Variants in GALNT18 observed in about 807,000 individuals in gnomAD.
GALNT18 encodes the protein GalNAc-transferase 18.
In GALNT18, 44 loss-of-function variants were observed where a neutral mutation model predicts 69.5. The observed-to-expected ratio is 0.63, with a 90% CI of 0.50 to 0.81. GALNT18 has a LOEUF of 0.81. Among genes scored for constraint, GALNT18 ranks in the 40% least tolerant of loss-of-function variants. The probability of loss-of-function intolerance (pLI) is 0.00; values close to 1 mark genes in which losing one functional copy is unlikely to be tolerated. For synonymous variants in GALNT18, 364 were observed against 318.2 expected, an observed-to-expected ratio of 1.14 and a Z score of -1.53; for missense variants, 715 against 810.0, an observed-to-expected ratio of 0.88 and a Z score of 1.42.
At chr11:11,280,689 A>G (rs1190412366) in intron 10 of GALNT18, among the ~76,000 whole-genome samples, 1 of 152,096 alleles carries the variant, frequency 6.6e-6, no homozygotes. Flanking sequence ...GCTCTGGCTA[A>G]TTTCTGCCCC....
At position 11,592,955 on chromosome 11, in the gene GALNT18, T is replaced by G. The variant is rs918915212; in HGVS notation, c.235+28404A>C. On this transcript the variant is annotated intron_variant, in intron 1 of 10. Transcript: ENST00000227756. The surrounding 1 kb of genome is among the most constrained non-coding windows in gnomAD (Gnocchi z 5.9). ...TTTGTTTTTTGTTTTTGTCTCTGTC[T>G]CCCAGGCTGGAGTGCAGTGGCGCAA... 4.0e-5 allele frequency among the ~76,000 whole-genome samples: 6 copies of G among 151,656 alleles called. No individual in the cohort carries two copies. Among genetic ancestry groups the G allele is most frequent in the East Asian group, 1.9e-4 (1 of 5,178 alleles).
At chr11:11,392,865 C>T (rs1273866139) in intron 3 of GALNT18, among the ~76,000 whole-genome samples, 2 of 152,158 alleles carry the variant, frequency 1.3e-5, no homozygotes, top group African/African-American at 2.4e-5. Context: ...CTCAGCAATG[C>T]TAAGATTTTT....
chr11:11,335,176 T>C (rs1850089733), intron 7 of GALNT18, among the ~76,000 whole-genome samples: 1 of 152,206 alleles, frequency 6.6e-6, no homozygotes, highest in Non-Finnish European at 1.5e-5. Flanking sequence ...TTTCTGCACT[T>C]AGGAACAGGG....
chr11:11,290,708 G>GC (rs761111668), intron 10 of GALNT18, among the ~76,000 whole-genome samples: 15 of 152,066 alleles, frequency 9.9e-5, no homozygotes, highest in Non-Finnish European at 1.8e-4. Context: ...CACCAGCCCT[G>GC]CCCACCCCTA....
At chr11:11,365,738 GT>G (rs1850752119) in intron 6 of GALNT18, among the ~76,000 whole-genome samples, 1 of 152,094 alleles carries the variant, frequency 6.6e-6, no homozygotes, top group African/African-American at 2.4e-5. Context: ...TCAATAGAGA[GT>G]TTTTTCAAGT....
At chr11:11,292,592 G>C (rs2133004198) in intron 10 of GALNT18, among the ~76,000 whole-genome samples, 1 of 152,286 alleles carries the variant, frequency 6.6e-6, no homozygotes, top group South Asian at 2.1e-4. Context: ...ACATCTGGGA[G>C]ACTGGGGGCT....
intron 9 of GALNT18, among the ~76,000 whole-genome samples, chr11:11,317,669 C>T (rs1383113425): frequency 2.0e-5 from 3 of 152,144 alleles, no homozygotes; most frequent in Non-Finnish European, 4.4e-5. Flanking sequence ...TGAATATTTT[C>T]TCCCATTCCG....
rs79753373 is a variant in GALNT18, at chr11:11,616,843, C to T, written c.235+4516G>A. Among the ~76,000 whole-genome samples, 1,070 of 152,264 alleles carry T rather than the reference C, an allele frequency of 7.0e-3. 12 individuals carry two copies. Among genetic ancestry groups the T allele is most frequent in the African/African-American group, 0.025 (1,021 of 41,540 alleles). On this transcript the variant is annotated intron_variant, in intron 1 of 10. Transcript: ENST00000227756. This position sits in a 1 kb window ranked among gnomAD's most constrained non-coding sequence, Gnocchi z 4.4. ...TATTATATAAACCAATGAAATATGACGGCTAAAAAGATGAGTGTTGTTTCT... is the reference window on the plus strand; with the variant it reads ...TATTATATAAACCAATGAAATATGATGGCTAAAAAGATGAGTGTTGTTTCT...
Position 11,606,968 on chromosome 11 carries a change from A to C in GALNT18, c.235+14391T>G, listed in dbSNP as rs1859772515. Among the ~76,000 whole-genome samples, 1 of 152,200 alleles carries C rather than the reference A, an allele frequency of 6.6e-6. No individual in the cohort carries two copies. The highest frequency in any genetic ancestry group is 2.1e-4 in the South Asian group (1 of 4,826). On this transcript the variant is annotated intron_variant, in intron 1 of 10. Coordinates refer to ENST00000227756, the MANE Select transcript of GALNT18 (RefSeq NM_198516.3). This position sits in a 1 kb window ranked among gnomAD's most constrained non-coding sequence, Gnocchi z 5.4. ...CTGATTTTAACTAGAGAGCCTTCAG[A>C]CAAGAGCCTTCACCAGTGGGATATG...
intron 9 of GALNT18, among the ~76,000 whole-genome samples, chr11:11,317,444 GATGGT>G (rs1471824416): frequency 1.3e-5 from 2 of 152,212 alleles, no homozygotes; most frequent in African/African-American, 2.4e-5. Context: ...ACTGGTGTGA[GATGGT>G]ATCTCATGGT....
At position 11,599,532 on chromosome 11, in the gene GALNT18, C is replaced by T. The variant is rs1478922454; in HGVS notation, c.235+21827G>A. On this transcript the variant is annotated intron_variant, in intron 1 of 10. Coordinates refer to ENST00000227756, the MANE Select transcript of GALNT18 (RefSeq NM_198516.3). ...TCCTGTAGACAGTGTGTAGTTGCAT[C>T]TTGTGTTTTCATCCAATCTGACAAT... 2.6e-5 allele frequency among the ~76,000 whole-genome samples: 4 copies of T among 151,966 alleles called. No homozygotes were observed. In the East Asian group the frequency reaches 7.7e-4, roughly 29 times the overall value.
At position 11,584,975 on chromosome 11, in the gene GALNT18, C is replaced by T. The variant is rs999379668; in HGVS notation, c.235+36384G>A. Among the ~76,000 whole-genome samples, 10 of 152,258 alleles carry T rather than the reference C, an allele frequency of 6.6e-5. No individual in the cohort carries two copies. Among genetic ancestry groups the T allele is most frequent in the East Asian group, 1.9e-4 (1 of 5,176 alleles). On this transcript the variant is annotated intron_variant, in intron 1 of 10. Coordinates refer to ENST00000227756, the MANE Select transcript of GALNT18 (RefSeq NM_198516.3). This position sits in a 1 kb window ranked among gnomAD's most constrained non-coding sequence, Gnocchi z 4.1. ...CTTGCCTCCACCACTATGAGCTTGA[C>T]GGCTTCCCAACACCTAAAGACTTCT...
intron 6 of GALNT18, among the ~76,000 whole-genome samples, chr11:11,355,461 C>T (rs1850510814): frequency 6.6e-6 from 1 of 152,166 alleles, no homozygotes; most frequent in African/African-American, 2.4e-5. Flanking sequence ...TTCTGGTTTG[C>T]TGGGGACTAT....
chr11:11,526,046 A>C (rs1857516830), intron 1 of GALNT18, among the ~76,000 whole-genome samples: 1 of 152,186 alleles, frequency 6.6e-6, no homozygotes, highest in South Asian at 2.1e-4. Context: ...AGGTATGAGA[A>C]AGGCTCCAGA....
rs1213108193 is a variant in GALNT18, at chr11:11,463,281, G to A, written c.236-14345C>T. On this transcript the variant is annotated intron_variant, in intron 1 of 10. Transcript: ENST00000227756. The surrounding 1 kb of genome is among the most constrained non-coding windows in gnomAD (Gnocchi z 4.2). ...GCAGCAGCCTACAAAAGCTCATCCT[G>A]AAAACAGATTCTTCTAGTCCCAAGT... is the stretch of plus-strand genomic sequence containing the variant. Among the ~76,000 whole-genome samples the A allele has an allele frequency of 6.6e-6, 1 of 152,038 alleles. No individual in the cohort carries two copies. Among genetic ancestry groups the A allele is most frequent in the African/African-American group, 2.4e-5 (1 of 41,376 alleles).
At chr11:11,466,254 C>T (rs767973533) in intron 1 of GALNT18, among the ~76,000 whole-genome samples, 3 of 152,172 alleles carry the variant, frequency 2.0e-5, no homozygotes, top group Non-Finnish European at 4.4e-5. Context: ...TGTAGATCAA[C>T]GGACTGCAAC....
At position 11,538,280 on chromosome 11, in the gene GALNT18, C is replaced by T. The variant is rs1009938593; in HGVS notation, c.235+83079G>A. Among the ~76,000 whole-genome samples, 3 of 152,202 alleles carry T rather than the reference C, an allele frequency of 2.0e-5. No individual in the cohort carries two copies. The highest frequency in any genetic ancestry group is 7.2e-5 in the African/African-American group (3 of 41,452). On this transcript the variant is annotated intron_variant, in intron 1 of 10. Coordinates refer to ENST00000227756, the MANE Select transcript of GALNT18 (RefSeq NM_198516.3). The surrounding 1 kb of genome is among the most constrained non-coding windows in gnomAD (Gnocchi z 5.2). ...AACAGCCCGCCCTGCCACCACCATC[C>T]CCAGGGCTATGATGGGGCTGGGAAG...
At chr11:11,588,500 T>C (rs7108321) in intron 1 of GALNT18, among the ~76,000 whole-genome samples, 1 of 152,148 alleles carries the variant, frequency 6.6e-6, no homozygotes, top group South Asian at 2.1e-4. Context: ...TAGTCATGAA[T>C]TCTCTCCCTA....
At chr11:11,392,051 G>A (rs1209272633) in intron 3 of GALNT18, among the ~76,000 whole-genome samples, 1 of 152,218 alleles carries the variant, frequency 6.6e-6, no homozygotes, top group African/African-American at 2.4e-5. Flanking sequence ...ACTCCTCCAG[G>A]AAGACTTTAG....
Sources: allele counts gnomAD v4.1 joint callset (sites outside exome capture counted in the v4.1 genomes callset), GRCh38; gene constraint gnomAD v4.1.1; non-coding constraint Gnocchi (gnomAD v3.1); transcripts MANE v1.5; gene names NCBI Gene and HGNC (gene_info 2026-07-23, HGNC 2026-07-21).